Variants in CAPZB observed in about 807,000 individuals in gnomAD.
CAPZB encodes F-actin-capping protein subunit beta.
A neutral mutation model predicts 38.1 loss-of-function variants in CAPZB; 2 were observed. That is an observed-to-expected ratio of 0.05 (90% CI 0.02 to 0.17). The LOEUF (loss-of-function observed/expected upper bound fraction) is 0.17. Ranked by LOEUF, CAPZB falls within the 10% of genes least tolerant of loss-of-function variation. CAPZB has a pLI of 1.00. For synonymous variants in CAPZB, 107 were observed against 127.4 expected (o/e 0.84, Z 1.08); for missense variants, 161 against 334.2 (o/e 0.48, Z 4.04).
chr1:19,447,297 G>A (rs1425800189), intron 1 of CAPZB, among the ~76,000 whole-genome samples: 1 of 9,510 alleles, frequency 1.1e-4, no homozygotes, highest in Non-Finnish European at 2.6e-4. Context: ...TTTTTTTTTT[G>A]AGATGGAGTC....
chr1:19,383,446 CAAAAAA>C (rs528617668), intron 3 of CAPZB, among the ~76,000 whole-genome samples: 2 of 118,064 alleles, frequency 1.7e-5, no homozygotes, highest in African/African-American at 3.3e-5. Context: ...GACTCTGTCT[CAAAAAA>C]AAAAAAAAAA....
intron 1 of CAPZB, among the ~76,000 whole-genome samples, chr1:19,480,031 G>A (rs975649128): frequency 3.9e-5 from 6 of 152,284 alleles, no homozygotes; most frequent in Admixed American, 3.9e-4. Flanking sequence ...CTGCAGGCTG[G>A]AGTGGTCTGC....
intron 4 of CAPZB, among the ~76,000 whole-genome samples, chr1:19,369,952 C>T (rs1461886968): frequency 6.6e-6 from 1 of 152,206 alleles, no homozygotes; most frequent in Non-Finnish European, 1.5e-5. Flanking sequence ...AAGCAGCCCT[C>T]CACTCTAGCT....
At chr1:19,421,027 T>C (rs2094399255) in intron 1 of CAPZB, among the ~76,000 whole-genome samples, 1 of 152,142 alleles carries the variant, frequency 6.6e-6, no homozygotes, top group Non-Finnish European at 1.5e-5. Context: ...TATGCAACTC[T>C]TAGAAGTACA....
chr1:19,386,173 C>G (rs1485553944), intron 2 of CAPZB, among the ~76,000 whole-genome samples: 3 of 152,234 alleles, frequency 2.0e-5, no homozygotes, highest in Non-Finnish European at 4.4e-5. Context: ...CCGGCTCCCC[C>G]ACAGCACAGA....
At position 19,356,101 on chromosome 1, in the gene CAPZB, C is replaced by T. The variant is rs1205011411; in HGVS notation, c.588+534G>A. ...CACTTCTGAAATTTCAATGTGCACA[C>T]ATTACCTGGGCAATTTTGTGAAAAC... On this transcript the variant is annotated intron_variant, in intron 6 of 8. Transcript: ENST00000264202. This position sits in a 1 kb window ranked among gnomAD's most constrained non-coding sequence, Gnocchi z 4.3. 6.6e-6 allele frequency among the ~76,000 whole-genome samples: 1 copy of T among 152,122 alleles called. No individual in the cohort carries two copies. Among genetic ancestry groups the T allele is most frequent in the Non-Finnish European group, 1.5e-5 (1 of 68,032 alleles).
chr1:19,427,134 G>A (rs895791272), intron 1 of CAPZB, among the ~76,000 whole-genome samples: 2 of 152,198 alleles, frequency 1.3e-5, no homozygotes, highest in South Asian at 2.1e-4. Context: ...GAGTGTGTAC[G>A]TTTTGTGTGT....
chr1:19,436,507 G>A (rs749613867), intron 1 of CAPZB, among the ~76,000 whole-genome samples: 10 of 152,150 alleles, frequency 6.6e-5, no homozygotes, highest in Non-Finnish European at 8.8e-5. Context: ...AACTATATGC[G>A]GAGACTAAGA....
chr1:19,443,491 G>A (rs1176673625), intron 1 of CAPZB, among the ~76,000 whole-genome samples: 3 of 152,090 alleles, frequency 2.0e-5, no homozygotes, highest in Admixed American at 6.5e-5. Context: ...CTGGACTTAC[G>A]GCCTGGCTTT....
chr1:19,406,591 G>A (rs776560825), intron 2 of CAPZB, among the ~76,000 whole-genome samples: 4 of 152,188 alleles, frequency 2.6e-5, no homozygotes, highest in Non-Finnish European at 4.4e-5. Flanking sequence ...ACAGCGTGAC[G>A]GAGAAGACAG....
intron 1 of CAPZB, among the ~76,000 whole-genome samples, chr1:19,471,038 T>C (rs1446775296): frequency 2.0e-5 from 3 of 152,198 alleles, no homozygotes; most frequent in African/African-American, 7.2e-5. Context: ...CCTTGGATAG[T>C]ACCAAACCCT....
intron 4 of CAPZB, among the ~76,000 whole-genome samples, chr1:19,362,329 C>T (rs1446128231): frequency 5.9e-5 from 9 of 152,172 alleles, no homozygotes; most frequent in African/African-American, 2.2e-4. Context: ...CTCCACTTCC[C>T]GGGTTCAAGT....
At chr1:19,438,756 A>C (rs929006864) in intron 1 of CAPZB, among the ~76,000 whole-genome samples, 70 of 152,214 alleles carry the variant, frequency 4.6e-4, no homozygotes, top group Admixed American at 4.5e-3. Context: ...TCAGGATCTC[A>C]GCTCTCTAAC....
rs549601876 is a variant in CAPZB, at chr1:19,437,057, C to T, written c.4-17307G>A. ...TCAGCACATACCTCTACAAAGTGGA[C>T]GCCCAGGGATGGCTGATATGATGAT... On this transcript the variant is annotated intron_variant, in intron 1 of 8. Transcript: ENST00000264202. Among the ~76,000 whole-genome samples, 68 of 152,334 alleles carry T rather than the reference C, an allele frequency of 4.5e-4. 1 individual carries two copies. The South Asian group carries it at 0.011, about 25-fold the overall frequency.
chr1:19,457,849 T>C (rs1043337092), intron 1 of CAPZB, among the ~76,000 whole-genome samples: 1 of 150,914 alleles, frequency 6.6e-6, no homozygotes, highest in Admixed American at 6.6e-5. Flanking sequence ...ACATCGCTTA[T>C]AAGGAAAAAA....
chr1:19,362,674 C>T (rs1384599338), intron 4 of CAPZB, among the ~76,000 whole-genome samples: 1 of 151,912 alleles, frequency 6.6e-6, no homozygotes, highest in Non-Finnish European at 1.5e-5. Flanking sequence ...AAAAAAAAAA[C>T]CGTGGAGGCC....
chr1:19,485,539 TC>T, upstream of CAPZB: 1 of 977,300 alleles, frequency 1.0e-6, no homozygotes, highest in Non-Finnish European at 1.3e-6. Flanking sequence ...GGAGTGAACA[TC>T]CGGGTCAGCA....
At chr1:19,441,995 C>A (rs2094478481) in intron 1 of CAPZB, among the ~76,000 whole-genome samples, 2 of 98,858 alleles carry the variant, frequency 2.0e-5, no homozygotes, top group South Asian at 7.0e-4. Context: ...GGCGACAGAG[C>A]AAGACTCTGT....
chr1:19,349,415 G>A (rs935925844), intron 6 of CAPZB, among the ~76,000 whole-genome samples: 2 of 152,050 alleles, frequency 1.3e-5, no homozygotes, highest in African/African-American at 2.4e-5. Flanking sequence ...GCAGATTCCC[G>A]GCCACCCTAG....
Sources: gnomAD v4.1 joint callset for allele counts (sites outside exome capture counted in the v4.1 genomes callset) on GRCh38, gnomAD v4.1.1 for gene constraint, Gnocchi (gnomAD v3.1) non-coding constraint, MANE v1.5 for transcripts, NCBI Gene and HGNC (gene_info 2026-07-23, HGNC 2026-07-21) for gene names.